NFKB2: variants seen among roughly 807,000 people sequenced by gnomAD.
NFKB2 encodes the protein nuclear factor NF-kappa-B p100 subunit.
NFKB2 carries 21 observed loss-of-function variants against 109.3 expected under a neutral mutation model. The observed-to-expected ratio is 0.19, with a 90% CI of 0.14 to 0.28. The LOEUF is 0.28. NFKB2 is among the 10% of genes least tolerant of loss of function. The probability of loss-of-function intolerance (pLI) is 1.00; values close to 1 mark genes in which losing one functional copy is unlikely to be tolerated. For missense variants in NFKB2, 806 were observed against 1,185.3 expected (o/e 0.68, Z 4.70); for synonymous variants, 478 against 489.9 (o/e 0.98, Z 0.32).
rs1363498947 is a variant in NFKB2 at position 102,396,205 on chromosome 10, G to C, written c.22-48G>C. 2 of 1,563,490 alleles carry C rather than the reference G, an allele frequency of 1.3e-6. No individual in the cohort carries two copies. Among genetic ancestry groups the C allele is most frequent in the Non-Finnish European group, 1.8e-6 (2 of 1,140,080 alleles). On this transcript the variant is annotated intron_variant, in intron 2 of 22. Transcript: ENST00000661543. The surrounding 1 kb of genome is among the most constrained non-coding windows in gnomAD (Gnocchi z 5.9). ...ACTTGGAGATGGGAGGTGGGGCTGTGGGGGGTGCTGAGAGTCGGATGCCAC... is the reference window on the plus strand; with the variant it reads ...ACTTGGAGATGGGAGGTGGGGCTGTCGGGGGTGCTGAGAGTCGGATGCCAC...
At chr10:102,395,539 G>T (rs974835577), upstream of NFKB2, among the ~76,000 whole-genome samples, 2 of 152,170 alleles carry the variant, frequency 1.3e-5, no homozygotes. Context: ...GGGGCTTCCC[G>T]GATTCTCCTA....
chr10:102,401,550 C>G lies in NFKB2; in HGVS notation c.2293+32C>G. On this transcript the variant is annotated intron_variant, in intron 20 of 22. Transcript: ENST00000661543. This position sits in a 1 kb window ranked among gnomAD's most constrained non-coding sequence, Gnocchi z 4.2. The stretch of plus-strand genomic sequence containing the variant: ...AGCATCAGGCATCCCCAGCCCGACT[C>G]CTCTGACTCCTCACAGAGGTCTCTT... The G allele has an allele frequency of 6.2e-7, 1 of 1,607,172 alleles. No homozygotes were observed. Among genetic ancestry groups the G allele is most frequent in the Non-Finnish European group, 8.5e-7 (1 of 1,177,024 alleles).
At chr10:102,395,173 C>A (rs1589855948), upstream of NFKB2, among the ~76,000 whole-genome samples, 1 of 147,956 alleles carries the variant, frequency 6.8e-6, no homozygotes, top group Non-Finnish European at 1.5e-5. Context: ...CGGTGTGGGA[C>A]CAGCTGCTGT....
Position 102,399,874 on chromosome 10 carries a change from A to G in NFKB2, c.1469+156A>G. On this transcript the variant is annotated intron_variant, in intron 14 of 22. Coordinates refer to ENST00000661543, the MANE Select transcript of NFKB2 (RefSeq NM_001322934.2). ...AAGCTGCTTGGTCTCTCCAAACTTC[A>G]GTTTGGTCGACCGTGCAAGGGGTAC... The G allele has an allele frequency of 2.4e-6, 3 of 1,239,542 alleles. No individual in the cohort carries two copies. The South Asian group carries it at 4.6e-5, about 19-fold the overall frequency. The allele number at this position is 1,239,542 out of a possible 1,614,324, so 76.8% of individuals were successfully genotyped here. A position where few individuals can be genotyped will look rare whatever the true frequency, so the allele number is the denominator to read the frequency against.
At chr10:102,395,116 G>A (rs1051121354), upstream of NFKB2, among the ~76,000 whole-genome samples, 139 of 104,958 alleles carry the variant, frequency 1.3e-3, 4 homozygotes, top group East Asian at 1.2e-3. Flanking sequence ...GGGGGGGGGG[G>A]GGAGCGTGCA....
chr10:102,399,919 C>T, intron 14 of NFKB2, 161 bp from the exon 15 acceptor site: 2 of 1,055,598 alleles, frequency 1.9e-6, no homozygotes, highest in Non-Finnish European at 2.7e-6. Context: ...ACTTACCTAC[C>T]TCAAAAGGTG....
At chr10:102,402,185 A>G (rs1192100734) in intron 22 of NFKB2, 26 bp downstream of exon 22, 25 of 1,557,596 alleles carry the variant, frequency 1.6e-5, no homozygotes, top group Non-Finnish European at 2.2e-5. Context: ...TGGAAGGTGG[A>G]TCTGGACCTG....
At position 102,400,937 on chromosome 10, in the gene NFKB2, G is replaced by A. The variant is rs747889400; in HGVS notation, c.1969-10G>A. 1.2e-5 allele frequency: 19 copies of A among 1,610,110 alleles called. No homozygotes were observed. Among genetic ancestry groups the A allele is most frequent in the Middle Eastern group, 1.7e-4 (1 of 6,054 alleles). Reference sequence around the variant, plus strand: ...GCTGTGGTGTCAACTCTCGCTGCTCGCACCCCCAGCTCCGGGCCAACGTGA... The same window carrying A: ...GCTGTGGTGTCAACTCTCGCTGCTCACACCCCCAGCTCCGGGCCAACGTGA... On this transcript the variant is annotated splice_polypyrimidine_tract_variant and intron_variant, in intron 17 of 22. Coordinates refer to ENST00000661543, the MANE Select transcript of NFKB2 (RefSeq NM_001322934.2). The surrounding 1 kb of genome is among the most constrained non-coding windows in gnomAD (Gnocchi z 6.3).
At position 102,397,436 on chromosome 10, in the gene NFKB2, T is replaced by C; in HGVS notation, c.502+28T>C. ...ATGGGTGCAGGGGGTGGGTCGGGTA[T>C]GGGTGCAGGGGGTGGGTGGGTCATG... is the stretch of plus-strand genomic sequence containing the variant. On this transcript the variant is annotated intron_variant, in intron 7 of 22. Transcript: ENST00000661543. The surrounding 1 kb of genome is among the most constrained non-coding windows in gnomAD (Gnocchi z 4.7). The C allele has an allele frequency of 5.5e-6, 1 of 180,956 alleles. No homozygotes were observed. Among genetic ancestry groups the C allele is most frequent in the East Asian group, 2.0e-4 (1 of 4,972 alleles). The allele number at this position is 180,956 out of a possible 1,614,324, so 11.2% of individuals were successfully genotyped here.
chr10:102,399,323 T>A lies in NFKB2; in HGVS notation c.1153T>A (p.Tyr385Asn), dbSNP rs1445772703. Reference protein sequence around the residue: ...SLGFFPSSLAYSPYQSGAGPM... With the variant: ...SLGFFPSSLANSPYQSGAGPM... ...CGGTTTCTTCCCCTCCTCCCTGGCC[T>A]ACAGCCCCTACCAGTCCGGCGCGGG... Residue 385 changes from tyrosine to asparagine, a missense_variant, in exon 13 of 23, where the codon TAC (tyrosine) becomes AAC (asparagine). Tyr to Asn is a moderately radical substitution (Grantham distance 143, BLOSUM62 -2). Coordinates refer to ENST00000661543, the MANE Select transcript of NFKB2 (RefSeq NM_001322934.2). 2.5e-6 allele frequency: 4 copies of A among 1,594,826 alleles called. No homozygotes were observed. Among genetic ancestry groups the A allele is most frequent in the Non-Finnish European group, 3.4e-6 (4 of 1,171,670 alleles).
chr10:102,395,198 G>A (rs2061081485), upstream of NFKB2, among the ~76,000 whole-genome samples: 1 of 150,936 alleles, frequency 6.6e-6, no homozygotes, highest in African/African-American at 2.4e-5. Context: ...AGGTTTGGGA[G>A]AGAGAGAAAA....
chr10:102,395,607 C>A (rs1346172463), upstream of NFKB2: 2 of 448,236 alleles, frequency 4.5e-6, no homozygotes, highest in East Asian at 3.8e-5. Flanking sequence ...CCTCCCGCCC[C>A]TCCCGTCGCG....
rs769240579 is a variant in NFKB2 at position 102,398,316 on chromosome 10, C to A, written c.852+19C>A. On this transcript the variant is annotated intron_variant, in intron 10 of 22. Coordinates refer to ENST00000661543, the MANE Select transcript of NFKB2 (RefSeq NM_001322934.2). The surrounding 1 kb of genome is among the most constrained non-coding windows in gnomAD (Gnocchi z 6.6). ...TAAACAGGTACCCAGGGCTAGGGCC[C>A]GGGCCCGGGCTGGGGGCTAAATTAG... The A allele has an allele frequency of 2.2e-5, 36 of 1,613,798 alleles. No homozygotes were observed. Among genetic ancestry groups the A allele is most frequent in the Non-Finnish European group, 3.1e-5 (36 of 1,179,878 alleles).
At position 102,397,388 on chromosome 10, in the gene NFKB2, C is replaced by G. The variant is rs1348141981; in HGVS notation, c.482C>G (p.Ser161Cys). 1.3e-6 allele frequency: 2 copies of G among 1,592,724 alleles called. No homozygotes were observed. The highest frequency in any genetic ancestry group is 1.7e-6 in the Non-Finnish European group (2 of 1,172,590). Residue 161 changes from serine (S) to cysteine (C), a missense_variant, in exon 7 of 23, where the codon TCT becomes TGT. Around this residue, in one of 10 missense-constraint regions of NFKB2, gnomAD observed 62 missense variants for 102.2 expected, o/e 0.61. Transcript: ENST00000661543. The surrounding 1 kb of genome is among the most constrained non-coding windows in gnomAD (Gnocchi z 4.7). ...AAACTTCAGAGGCAGCGGCTCCGCT[C>G]TAGGCCCCAGGGCCTTACGGGTATG... ...IQKLQRQRLR[S>C]RPQGLTEAEQ...
chr10:102,397,705 G>C lies in NFKB2; in HGVS notation c.661+20G>C, dbSNP rs1223721626. 1 of 1,594,654 alleles carries C rather than the reference G, an allele frequency of 6.3e-7. No individual in the cohort carries two copies. Among genetic ancestry groups the C allele is most frequent in the African/African-American group, 1.3e-5 (1 of 74,582 alleles). On this transcript the variant is annotated intron_variant, in intron 8 of 22. Transcript: ENST00000661543. The surrounding 1 kb of genome is among the most constrained non-coding windows in gnomAD (Gnocchi z 4.7). Reference sequence around the variant, plus strand: ...ACAGCAGTGAGTATCCTGATTGCCTGGGGTGCCAGGCCTGGTGGCAGAGGT... The same window carrying C: ...ACAGCAGTGAGTATCCTGATTGCCTCGGGTGCCAGGCCTGGTGGCAGAGGT...
rs1022189053 is a variant in NFKB2 at position 102,396,054 on chromosome 10, C to T, written c.21+74C>T. On this transcript the variant is annotated intron_variant, in intron 2 of 22. Transcript: ENST00000661543. The surrounding 1 kb of genome is among the most constrained non-coding windows in gnomAD (Gnocchi z 5.9). ...GTCCACCTGTCTGCCCGAGCCCCCTCTGCTGCCTTACACCTGTATGCTCGC... is the reference window on the plus strand; with the variant it reads ...GTCCACCTGTCTGCCCGAGCCCCCTTTGCTGCCTTACACCTGTATGCTCGC... 26 of 1,591,736 alleles carry T rather than the reference C, an allele frequency of 1.6e-5. No homozygotes were observed. The African/African-American group carries it at 3.5e-4, about 21-fold the overall frequency.
chr10:102,394,307 C>T (rs1322984908), upstream of NFKB2: 1 of 152,252 alleles, frequency 6.6e-6, no homozygotes, highest in Non-Finnish European at 1.5e-5. Context: ...GTCCCCTGGC[C>T]GGCCGAACTC....
upstream of NFKB2, among the ~76,000 whole-genome samples, chr10:102,395,447 C>T (rs1274714718): frequency 1.3e-5 from 2 of 152,184 alleles, no homozygotes; most frequent in East Asian, 3.9e-4. Flanking sequence ...GCGGACTTGG[C>T]CCCAGACTGC....
In NFKB2 at chr10:102,397,830, C is replaced by T; in HGVS notation, c.661+145C>T. 3 of 1,267,462 alleles carry T rather than the reference C, an allele frequency of 2.4e-6. No individual in the cohort carries two copies. The highest frequency in any genetic ancestry group is 3.3e-6 in the Non-Finnish European group (3 of 899,064). 78.5% of individuals were successfully genotyped at this position (1,267,462 alleles called of 1,614,324 possible). On this transcript the variant is annotated intron_variant, in intron 8 of 22. Transcript: ENST00000661543. The surrounding 1 kb of genome is among the most constrained non-coding windows in gnomAD (Gnocchi z 4.7). Reference sequence around the variant, plus strand: ...TGAGTGATCCTGAGCAAGTCATTTCCCCCCCGAAGCTTCTGTCTTTAGTAA... The same window carrying T: ...TGAGTGATCCTGAGCAAGTCATTTCTCCCCCGAAGCTTCTGTCTTTAGTAA...
Sources: allele counts gnomAD v4.1 joint callset (sites outside exome capture counted in the v4.1 genomes callset), GRCh38; gene constraint gnomAD v4.1.1; regional missense constraint gnomAD v4.1.1; non-coding constraint Gnocchi (gnomAD v3.1); transcripts MANE v1.5; gene names NCBI Gene and HGNC (gene_info 2026-07-23, HGNC 2026-07-21).